Variants in ATP9B observed in about 807,000 individuals in gnomAD.
The protein encoded by ATP9B is ATPase phospholipid transporting 9B, also known as probable phospholipid-transporting ATPase IIB.
Under a neutral mutation model 146.1 loss-of-function variants are expected in ATP9B, and 110 were observed. That is an observed-to-expected ratio of 0.75 (90% CI 0.65 to 0.88). ATP9B has a LOEUF of 0.88. ATP9B is among the 40% of genes least tolerant of loss of function. The probability of loss-of-function intolerance (pLI) is 0.00; values close to 1 mark genes in which losing one functional copy is unlikely to be tolerated. For synonymous variants in ATP9B, 604 were observed against 569.7 expected (o/e 1.06, Z -0.86); for missense variants, 1,499 against 1,496.4 (o/e 1.00, Z -0.03).
intron 12 of ATP9B, among the ~76,000 whole-genome samples, chr18:79,256,136 G>A (rs1369886712): frequency 3.3e-5 from 5 of 151,100 alleles, no homozygotes; most frequent in Admixed American, 6.6e-5. Context: ...TATCATGTAT[G>A]TGCTTTACTG....
At chr18:79,339,931 T>A (rs963464239) in intron 19 of ATP9B, among the ~76,000 whole-genome samples, 1 of 152,210 alleles carries the variant, frequency 6.6e-6, no homozygotes, top group Admixed American at 6.5e-5. Context: ...TTACTAAACT[T>A]AATTGTATTG....
Position 79,253,430 on chromosome 18 carries a change from T to G in ATP9B, c.1157T>G (p.Leu386Trp). ...ELNRLTKALF[L>W]ALVALSIVMV... ...AATCGGCTGACGAAAGCGCTATTTTTGGCTTTAGTTGCTCTTTCCATTGTT... is the reference window on the plus strand; with the variant it reads ...AATCGGCTGACGAAAGCGCTATTTTGGGCTTTAGTTGCTCTTTCCATTGTT... Residue 386 changes from leucine (L) to tryptophan (W), a missense_variant, in exon 12 of 30, where the codon TTG becomes TGG. Coordinates refer to ENST00000426216, the MANE Select transcript of ATP9B (RefSeq NM_198531.5). 6.2e-7 allele frequency: 1 copy of G among 1,613,422 alleles called. No individual in the cohort carries two copies. The highest frequency in any genetic ancestry group is 1.1e-5 in the South Asian group (1 of 90,760).
intron 13 of ATP9B, among the ~76,000 whole-genome samples, chr18:79,298,923 A>G (rs1226426850): frequency 8.8e-6 from 1 of 113,258 alleles, no homozygotes; most frequent in Non-Finnish European, 2.0e-5. Flanking sequence ...GTTGAGGGCC[A>G]GCCTCCCTGA....
chr18:79,343,894 A>G, intron 20 of ATP9B: 1 of 308,714 alleles, frequency 3.2e-6, no homozygotes, highest in Non-Finnish European at 6.1e-6. Flanking sequence ...TTATCGTTGT[A>G]TGTTAAGGGA....
chr18:79,113,013 C>A (rs1177125136), intron 3 of ATP9B, among the ~76,000 whole-genome samples: 2 of 152,104 alleles, frequency 1.3e-5, no homozygotes, highest in African/African-American at 4.8e-5. Context: ...TCCTAATTGT[C>A]TTATTTTCAG....
chr18:79,094,170 G>C (rs1297239831), intron 1 of ATP9B, among the ~76,000 whole-genome samples: 1 of 152,232 alleles, frequency 6.6e-6, no homozygotes, highest in African/African-American at 2.4e-5. Context: ...CCCCGCCAGT[G>C]CTTGTCAGGG....
chr18:79,296,155 G>A (rs115308366), intron 13 of ATP9B, among the ~76,000 whole-genome samples: 3,691 of 152,136 alleles, frequency 0.024, 122 homozygotes, highest in African/African-American at 0.077. Context: ...AGCTGGGACT[G>A]CAGGTGTGTG....
At chr18:79,166,316 G>A (rs1000466103) in intron 7 of ATP9B, among the ~76,000 whole-genome samples, 4 of 152,128 alleles carry the variant, frequency 2.6e-5, no homozygotes, top group South Asian at 2.1e-4. Context: ...TGTGCTAGGC[G>A]CTCTCAGAAG....
At chr18:79,119,817 TTTGA>T (rs1257368794) in intron 4 of ATP9B, among the ~76,000 whole-genome samples, 3 of 152,212 alleles carry the variant, frequency 2.0e-5, no homozygotes, top group Non-Finnish European at 2.9e-5. Flanking sequence ...CATCTTAACC[TTTGA>T]TTGAGCAAAC....
At chr18:79,243,332 A>G (rs1172644595) in intron 11 of ATP9B, among the ~76,000 whole-genome samples, 1 of 152,246 alleles carries the variant, frequency 6.6e-6, no homozygotes, top group Non-Finnish European at 1.5e-5. Context: ...TGCAAGGGGA[A>G]TGAAATAGAA....
chr18:79,183,688 A>T (rs2095274885), intron 8 of ATP9B, among the ~76,000 whole-genome samples: 2 of 151,268 alleles, frequency 1.3e-5, no homozygotes, highest in African/African-American at 4.8e-5. Flanking sequence ...ATTTCTACTC[A>T]TGATTATATT....
rs148763389 is a variant in ATP9B at position 79,272,602 on chromosome 18, C to T, written c.1269-4452C>T. On this transcript the variant is annotated intron_variant, in intron 12 of 29. Transcript: ENST00000426216. ...TGAGCTCTCTCCACTGAATCCTGCA[C>T]GGATACGCTCCTCTCCCTGAGCTCT... is the stretch of plus-strand genomic sequence containing the variant. Among the ~76,000 whole-genome samples, 29 of 152,308 alleles carry T rather than the reference C, an allele frequency of 1.9e-4. No homozygotes were observed. In the East Asian group the frequency reaches 4.8e-3, roughly 25 times the overall value.
chr18:79,374,010 C>T lies in ATP9B; in HGVS notation c.3183C>T (p.Thr1061=), dbSNP rs774448241. ...CCGAGCTGCTGATGGTGGCGCTGACCGTCCGCACGTGGCACTGGCTGATGG... is the reference window on the plus strand; with the variant it reads ...CCGAGCTGCTGATGGTGGCGCTGACTGTCCGCACGTGGCACTGGCTGATGG... ...ILTELLMVAL[T]VRTWHWLMVV... is the part of the protein sequence containing the mutation. Residue 1061 remains threonine (T), a synonymous_variant, in exon 28 of 30, where the codon ACC becomes ACT. Coordinates refer to ENST00000426216, the MANE Select transcript of ATP9B (RefSeq NM_198531.5). 1.3e-5 allele frequency: 21 copies of T among 1,614,066 alleles called. No individual in the cohort carries two copies. Among genetic ancestry groups the T allele is most frequent in the East Asian group, 2.2e-5 (1 of 44,888 alleles).
chr18:79,356,028 A>G (rs116822554), intron 25 of ATP9B, among the ~76,000 whole-genome samples: 5,981 of 152,254 alleles, frequency 0.039, 399 homozygotes, highest in African/African-American at 0.14. Context: ...AGCAGTGCTT[A>G]AAGATTCTCC....
chr18:79,082,755 G>A (rs1346115604), intron 1 of ATP9B, among the ~76,000 whole-genome samples: 1 of 152,220 alleles, frequency 6.6e-6, no homozygotes, highest in African/African-American at 2.4e-5. Flanking sequence ...AGCAAAGATT[G>A]CTGCCTGTTT....
chr18:79,139,151 T>C (rs2094483830), intron 5 of ATP9B, among the ~76,000 whole-genome samples: 1 of 152,234 alleles, frequency 6.6e-6, no homozygotes, highest in Non-Finnish European at 1.5e-5. Flanking sequence ...AGTATTTGTG[T>C]TTAGTAGGTC....
chr18:79,361,423 G>A (rs2096987842), intron 26 of ATP9B: 1 of 151,980 alleles, frequency 6.6e-6, no homozygotes, highest in Non-Finnish European at 1.5e-5. Flanking sequence ...TTCTGATTGT[G>A]TTGGATCTCA....
chr18:79,312,707 T>C (rs1457764530), intron 15 of ATP9B, among the ~76,000 whole-genome samples: 1 of 152,208 alleles, frequency 6.6e-6, no homozygotes, highest in Non-Finnish European at 1.5e-5. Context: ...TGTAGGAATA[T>C]TGGTCCTTAA....
intron 10 of ATP9B, among the ~76,000 whole-genome samples, chr18:79,208,725 C>T (rs1163385115): frequency 6.6e-6 from 1 of 151,076 alleles, no homozygotes; most frequent in Non-Finnish European, 1.5e-5. Context: ...ATAAATGTTA[C>T]ATACATATAA....
Sources: allele counts gnomAD v4.1 joint callset (sites outside exome capture counted in the v4.1 genomes callset), GRCh38; gene constraint gnomAD v4.1.1; transcripts MANE v1.5; gene names NCBI Gene and HGNC (gene_info 2026-07-23, HGNC 2026-07-21).